Variants in CNTNAP2 observed in about 807,000 individuals in gnomAD.
The protein encoded by CNTNAP2 is contactin associated protein 2.
CNTNAP2 carries 98 observed loss-of-function variants against 155.2 expected under a neutral mutation model. The ratio of observed to expected loss-of-function variants is 0.63; its 90% CI spans 0.54 to 0.75. The LOEUF (loss-of-function observed/expected upper bound fraction) is 0.75. Among genes scored for constraint, CNTNAP2 ranks in the 30% least tolerant of loss-of-function variants. CNTNAP2 has a pLI of 0.00. For missense variants in CNTNAP2, 1,727 were observed against 1,688.1 expected (o/e 1.02, Z -0.40); for synonymous variants, 651 against 631.2 (o/e 1.03, Z -0.47).
chr7:148,391,158 C>T (rs1799338405), intron 22 of CNTNAP2, among the ~76,000 whole-genome samples: 1 of 152,048 alleles, frequency 6.6e-6, no homozygotes, highest in Non-Finnish European at 1.5e-5. Flanking sequence ...TGGTTAGTGC[C>T]TCACAGGCAA....
intron 4 of CNTNAP2, among the ~76,000 whole-genome samples, chr7:147,091,305 T>C (rs754356565): frequency 6.6e-6 from 1 of 152,066 alleles, no homozygotes; most frequent in Non-Finnish European, 1.5e-5. Flanking sequence ...CTCAACTACG[T>C]ATTTCTTCGG....
At chr7:146,538,235 T>G (rs1797899552) in intron 1 of CNTNAP2, among the ~76,000 whole-genome samples, 1 of 152,134 alleles carries the variant, frequency 6.6e-6, no homozygotes, top group East Asian at 1.9e-4. Context: ...ATTAATCAAC[T>G]TTAATTTATG....
chr7:146,509,200 A>T (rs1403983447), intron 1 of CNTNAP2, among the ~76,000 whole-genome samples: 4 of 152,036 alleles, frequency 2.6e-5, no homozygotes, highest in African/African-American at 7.2e-5. Flanking sequence ...ACTGCCATTT[A>T]CTCACAGTTT....
Position 148,061,998 on chromosome 7 carries a change from GATAGATAGATGAT to G in CNTNAP2, c.2384-56118_2384-56106del, listed in dbSNP as rs1563185572. ...AGATAGATAGATAGATAGATAGATA[GATAGATAGATGAT>G]AGAGAGAGAGAGAGAGAGTGTGTGT... is the stretch of plus-strand genomic sequence containing the variant. On this transcript the variant is annotated intron_variant, in intron 15 of 23. Coordinates refer to ENST00000361727, the MANE Select transcript of CNTNAP2 (RefSeq NM_014141.6). 2.4e-3 allele frequency among the ~76,000 whole-genome samples: 278 copies of G among 114,012 alleles called. 8 individuals are homozygous for G. Among genetic ancestry groups the G allele is most frequent in the African/African-American group, 0.012 (263 of 21,680 alleles). The allele number at this position is 114,012 out of a possible 152,430, so 74.8% of individuals were successfully genotyped here.
chr7:146,886,464 G>A (rs1424802827), intron 3 of CNTNAP2, among the ~76,000 whole-genome samples: 1 of 151,868 alleles, frequency 6.6e-6, no homozygotes, highest in South Asian at 2.1e-4. Flanking sequence ...TTGTGCCCTG[G>A]TATATTCAAT....
intron 9 of CNTNAP2, among the ~76,000 whole-genome samples, chr7:147,311,344 TG>T (rs1328102922): frequency 6.6e-6 from 1 of 152,034 alleles, no homozygotes; most frequent in Non-Finnish European, 1.5e-5. Context: ...CATTCAAGAA[TG>T]GTGAAAGGGA....
At chr7:146,963,949 A>ATT (rs35894846) in intron 3 of CNTNAP2, among the ~76,000 whole-genome samples, 53 of 149,124 alleles carry the variant, frequency 3.6e-4, no homozygotes, top group Middle Eastern at 3.5e-3. Context: ...AGACAGGATG[A>ATT]TTTTTTTTTT....
rs531123513 is a variant in CNTNAP2 at position 146,726,549 on chromosome 7, T to A, written c.98-47722T>A. On this transcript the variant is annotated intron_variant, in intron 1 of 23. Transcript: ENST00000361727. ...TGTTTAGGTGGGCAATTAGATGAAC[T>A]GAATGCTAAGATATTTTAAGCTAAT... 2.0e-5 allele frequency among the ~76,000 whole-genome samples: 3 copies of A among 152,314 alleles called. No individual in the cohort carries two copies. The South Asian group carries it at 6.2e-4, about 32-fold the overall frequency.
At chr7:146,696,913 T>C (rs1042991864) in intron 1 of CNTNAP2, among the ~76,000 whole-genome samples, 2 of 152,176 alleles carry the variant, frequency 1.3e-5, no homozygotes, top group African/African-American at 2.4e-5. Context: ...CATTAAGCTG[T>C]GTTTTGTGAC....
intron 21 of CNTNAP2, among the ~76,000 whole-genome samples, chr7:148,323,708 A>T (rs1356363455): frequency 1.3e-5 from 2 of 151,910 alleles, no homozygotes; most frequent in African/African-American, 4.8e-5. Context: ...ATAAATGTGA[A>T]CTCTTGAAAA....
chr7:146,817,452 A>G (rs76034183), intron 2 of CNTNAP2, among the ~76,000 whole-genome samples: 1 of 151,068 alleles, frequency 6.6e-6, no homozygotes, highest in Non-Finnish European at 1.5e-5. Context: ...AGCTTGGGCA[A>G]CATGAGCGAA....
At chr7:148,191,030 G>A (rs1795196221) in intron 18 of CNTNAP2, among the ~76,000 whole-genome samples, 2 of 152,176 alleles carry the variant, frequency 1.3e-5, no homozygotes, top group Non-Finnish European at 2.9e-5. Flanking sequence ...GCTCCATGGG[G>A]ACTATCTTTG....
At chr7:146,603,151 G>A (rs544585346) in intron 1 of CNTNAP2, among the ~76,000 whole-genome samples, 4 of 151,538 alleles carry the variant, frequency 2.6e-5, no homozygotes, top group East Asian at 1.9e-4. Context: ...GGTGGCTCAC[G>A]CCTGTAATCC....
chr7:147,318,389 G>A (rs538813737), intron 9 of CNTNAP2, among the ~76,000 whole-genome samples: 27 of 152,150 alleles, frequency 1.8e-4, no homozygotes, highest in South Asian at 1.5e-3. Flanking sequence ...ATCCAAGATC[G>A]TGCCACTGCA....
intron 3 of CNTNAP2, among the ~76,000 whole-genome samples, chr7:146,968,607 T>G (rs1435038936): frequency 5.3e-5 from 8 of 151,522 alleles, no homozygotes; most frequent in Non-Finnish European, 1.2e-4. Context: ...TAGAGGTGTT[T>G]GTAGTATTCT....
chr7:147,748,460 T>C (rs1797081312), intron 13 of CNTNAP2, among the ~76,000 whole-genome samples: 1 of 152,126 alleles, frequency 6.6e-6, no homozygotes, highest in African/African-American at 2.4e-5. Flanking sequence ...TAATGATAAG[T>C]GACAGAACCG....
At chr7:148,248,224 A>G (rs1224434708) in intron 20 of CNTNAP2, among the ~76,000 whole-genome samples, 1 of 150,940 alleles carries the variant, frequency 6.6e-6, no homozygotes, top group Non-Finnish European at 1.5e-5. Flanking sequence ...TTTGAGACAG[A>G]GTCCCGCCCT....
chr7:148,087,112 C>T lies in CNTNAP2; in HGVS notation c.2384-31006C>T, dbSNP rs151055404. ...AGTCCTCCTCCTCAGAACACGTGCC[C>T]GAACTATCATTTTTGAGATCACCAT... On this transcript the variant is annotated intron_variant, in intron 15 of 23. Coordinates refer to ENST00000361727, the MANE Select transcript of CNTNAP2 (RefSeq NM_014141.6). Among the ~76,000 whole-genome samples, 312 of 152,220 alleles carry T rather than the reference C, an allele frequency of 2.0e-3. 4 individuals carry two copies. Among genetic ancestry groups the T allele is most frequent in the East Asian group, 3.3e-3 (17 of 5,180 alleles).
rs112229034 is a variant in CNTNAP2 at position 146,313,377 on chromosome 7, G to C, written c.97+196404G>C. ...TCTTCTTTTGAGAAATGTCTGTTCA[G>C]ATTCTTTGCACATTTTATAATTGGG... On this transcript the variant is annotated intron_variant, in intron 1 of 23. Coordinates refer to ENST00000361727, the MANE Select transcript of CNTNAP2 (RefSeq NM_014141.6). Among the ~76,000 whole-genome samples the C allele has an allele frequency of 6.7e-4, 102 of 152,240 alleles. 1 individual carries two copies. Among genetic ancestry groups the C allele is most frequent in the African/African-American group, 2.4e-3 (101 of 41,556 alleles).
Sources: allele counts gnomAD v4.1 joint callset (sites outside exome capture counted in the v4.1 genomes callset), GRCh38; gene constraint gnomAD v4.1.1; transcripts MANE v1.5; gene names NCBI Gene and HGNC (gene_info 2026-07-23, HGNC 2026-07-21).